NEK5: variants seen among roughly 807,000 people sequenced by gnomAD.
NEK5 encodes the protein NIMA related kinase 5.
In NEK5, 88 loss-of-function variants were observed where a neutral mutation model predicts 109.2. That is an observed-to-expected ratio of 0.81 (90% CI 0.68 to 0.96). The LOEUF (loss-of-function observed/expected upper bound fraction) is 0.96, where lower values mean the gene tolerates loss of function less well. Ranked by LOEUF, NEK5 falls within the 40% of genes least tolerant of loss-of-function variation. The probability of loss-of-function intolerance (pLI) is 0.00; values close to 1 mark genes in which losing one functional copy is unlikely to be tolerated. For synonymous variants in NEK5, 283 were observed against 299.9 expected, an observed-to-expected ratio of 0.94 and a Z score of 0.58; for missense variants, 834 against 920.7, an observed-to-expected ratio of 0.91 and a Z score of 1.22.
chr13:52,041,766 G>C (rs1339730814), intron 23 of NEK5, among the ~76,000 whole-genome samples: 1 of 143,562 alleles, frequency 7.0e-6, no homozygotes, highest in Admixed American at 7.0e-5. Context: ...CACCTGGAAA[G>C]GAACAAAGAA....
chr13:52,122,666 C>T (rs918923211), intron 3 of NEK5, among the ~76,000 whole-genome samples: 5 of 151,992 alleles, frequency 3.3e-5, no homozygotes, highest in African/African-American at 9.7e-5. Flanking sequence ...ACTCAGGAGG[C>T]TGAGGCAGGA....
At chr13:52,110,683 CAT>C (rs990297131) in intron 5 of NEK5, 106 bp from the exon 6 acceptor site, 46 of 500,572 alleles carry the variant, frequency 9.2e-5, no homozygotes, top group South Asian at 8.9e-4. Context: ...CACACACACA[CAT>C]ACACACATAT....
chr13:52,110,348 G>T lies in NEK5; in HGVS notation c.459C>A (p.Val153=). 1 of 1,607,472 alleles carries T rather than the reference G, an allele frequency of 6.2e-7. No individual in the cohort carries two copies. The highest frequency in any genetic ancestry group is 8.5e-7 in the Non-Finnish European group (1 of 1,174,094). The change falls in exon 7 of 24, where the codon GTC becomes GTA. Residue 153 remains valine (V), a synonymous_variant. Coordinates refer to ENST00000684899, the MANE Select transcript of NEK5 (RefSeq NM_001365552.1). ...AKLGDFGIAR[V]LNNSMELART... ...ATTTTCAAAGTACTTACTTATTCAG[G>T]ACTCTTGCTATACCAAAGTCCCCAA...
At chr13:52,079,286 ATCCCTCTCCCTCTCCCTCTCCCTC>A (rs11275738) in intron 17 of NEK5, among the ~76,000 whole-genome samples, 1 of 127,906 alleles carries the variant, frequency 7.8e-6, no homozygotes, top group African/African-American at 3.4e-5. Context: ...AAGTAATCTG[ATCCCTCTCCCTCTCCCTCTCCCTC>A]TCCCTCTCCC....
At chr13:52,040,831 A>G (rs904530966) in intron 23 of NEK5, among the ~76,000 whole-genome samples, 5 of 152,166 alleles carry the variant, frequency 3.3e-5, no homozygotes, top group Admixed American at 3.3e-4. Context: ...ATTTCTCAAC[A>G]TAGATGTTTC....
Position 52,102,221 on chromosome 13 carries a change from C to A in NEK5, c.681G>T (p.Gly227=). The A allele has an allele frequency of 6.2e-7, 1 of 1,614,004 alleles. No individual in the cohort carries two copies. The highest frequency in any genetic ancestry group is 8.5e-7 in the Non-Finnish European group (1 of 1,179,922). ...CQAHFAPISP[G]FSRELHSLIS... Reference sequence around the variant, plus strand: ...TCAAGGAATGGAGCTCACGAGAAAACCCCGGAGATATTGGGGCAAAATGTG... The same window carrying A: ...TCAAGGAATGGAGCTCACGAGAAAAACCCGGAGATATTGGGGCAAAATGTG... The change falls in exon 10 of 24, where the codon GGG becomes GGT. Residue 227 remains glycine (G), a synonymous_variant. Coordinates refer to ENST00000684899, the MANE Select transcript of NEK5 (RefSeq NM_001365552.1).
chr13:52,118,521 T>C lies in NEK5; in HGVS notation c.214+798A>G, dbSNP rs1594002402. 2.0e-5 allele frequency among the ~76,000 whole-genome samples: 3 copies of C among 152,242 alleles called. No individual in the cohort carries two copies. In the South Asian group the frequency reaches 6.2e-4, roughly 32 times the overall value. Reference sequence around the variant, plus strand: ...AAGTATCAGTTCAGTGAATGAATGCTGTCTGACCAATGCTCCTTCATTTAT... The same window carrying C: ...AAGTATCAGTTCAGTGAATGAATGCCGTCTGACCAATGCTCCTTCATTTAT... On this transcript the variant is annotated intron_variant, in intron 4 of 23. Coordinates refer to ENST00000684899, the MANE Select transcript of NEK5 (RefSeq NM_001365552.1).
chr13:52,064,292 G>C (rs1459176851), intron 21 of NEK5, among the ~76,000 whole-genome samples: 1 of 134,766 alleles, frequency 7.4e-6, no homozygotes, highest in Admixed American at 7.2e-5. Flanking sequence ...CTGCCCGGCC[G>C]CCCCTACTGG....
chr13:52,112,063 C>G (rs1331854695), intron 5 of NEK5, among the ~76,000 whole-genome samples: 4 of 152,126 alleles, frequency 2.6e-5, no homozygotes, highest in Non-Finnish European at 5.9e-5. Context: ...ATCTCACTCT[C>G]TAAAAAACAA....
chr13:52,121,156 A>T (rs1245069881), intron 3 of NEK5, among the ~76,000 whole-genome samples: 2 of 139,342 alleles, frequency 1.4e-5, no homozygotes, highest in Non-Finnish European at 3.2e-5. Context: ...CTGCTGAAGA[A>T]ATCTTTTTTT....
rs112930561 is a variant in NEK5 at position 52,101,677 on chromosome 13, T to C, written c.892+256A>G. Among the ~76,000 whole-genome samples, 493 of 152,312 alleles carry C rather than the reference T, an allele frequency of 3.2e-3. 4 individuals carry two copies. The highest frequency in any genetic ancestry group is 0.011 in the African/African-American group (444 of 41,570). On this transcript the variant is annotated intron_variant, in intron 11 of 23. Coordinates refer to ENST00000684899, the MANE Select transcript of NEK5 (RefSeq NM_001365552.1). ...TGGGCTCAACCTCTTCAAGCATCTC[T>C]ATTAGCATGTCCTCTGCTTCATGGA...
intron 22 of NEK5, among the ~76,000 whole-genome samples, chr13:52,050,530 C>G (rs1419211034): frequency 6.6e-6 from 1 of 151,012 alleles, no homozygotes; most frequent in African/African-American, 2.4e-5. Context: ...TCCACTGTTT[C>G]TATAACCTGA....
rs532675468 is a variant in NEK5, at chr13:52,047,573, A to G, written c.2228+2531T>C. Among the ~76,000 whole-genome samples the G allele has an allele frequency of 3.3e-5, 5 of 152,318 alleles. No individual in the cohort carries two copies. The South Asian group carries it at 1.0e-3, about 32-fold the overall frequency. ...GTGCAGTGGCTCATGCTGTAATCCC[A>G]GCATCTGGCTCACAGTTTACTTTAT... is the stretch of plus-strand genomic sequence containing the variant. On this transcript the variant is annotated intron_variant, in intron 23 of 23. Transcript: ENST00000684899.
intron 12 of NEK5, among the ~76,000 whole-genome samples, chr13:52,094,452 A>G (rs760978753): frequency 2.6e-5 from 4 of 152,246 alleles, no homozygotes; most frequent in African/African-American, 7.2e-5. Context: ...TTTTACTGCT[A>G]TATGGTTCAC....
intron 17 of NEK5, among the ~76,000 whole-genome samples, chr13:52,080,988 T>TA (rs35236001): frequency 0.43 from 62,155 of 145,982 alleles, 14,467 homozygotes; most frequent in Non-Finnish European, 0.53. Context: ...ATATGTCATT[T>TA]AAAAAAAAAA....
chr13:52,115,151 C>T (rs1435195529), intron 4 of NEK5, among the ~76,000 whole-genome samples: 1 of 151,832 alleles, frequency 6.6e-6, no homozygotes, highest in East Asian at 2.0e-4. Context: ...GTAGCTGGGA[C>T]TACAGGCGCC....
At chr13:52,095,272 T>G (rs1399257603) in intron 12 of NEK5, among the ~76,000 whole-genome samples, 1 of 152,178 alleles carries the variant, frequency 6.6e-6, no homozygotes, top group Non-Finnish European at 1.5e-5. Flanking sequence ...TAGTTTTCTT[T>G]GTTTTACAAT....
intron 9 of NEK5, among the ~76,000 whole-genome samples, chr13:52,103,110 T>C (rs1016741959): frequency 1.2e-4 from 19 of 152,296 alleles, no homozygotes; most frequent in African/African-American, 4.6e-4. Context: ...TACATAATAA[T>C]ATTCAACTCC....
rs80262407 is a variant in NEK5, at chr13:52,053,908, T to G, written c.2111-3687A>C. 6.0e-4 allele frequency among the ~76,000 whole-genome samples: 92 copies of G among 152,366 alleles called. 1 individual carries two copies. In the East Asian group the frequency reaches 0.012, roughly 20 times the overall value. On this transcript the variant is annotated intron_variant, in intron 22 of 23. Coordinates refer to ENST00000684899, the MANE Select transcript of NEK5 (RefSeq NM_001365552.1). The stretch of plus-strand genomic sequence containing the variant: ...CTTCTACTGCACCTTGTCCTTGTTA[T>G]TCAATTTTGCAAGCGGAGGGCAGCT...
Sources: allele counts gnomAD v4.1 joint callset (sites outside exome capture counted in the v4.1 genomes callset), GRCh38; gene constraint gnomAD v4.1.1; transcripts MANE v1.5; gene names NCBI Gene and HGNC (gene_info 2026-07-23, HGNC 2026-07-21).